EYS: variants seen among roughly 807,000 people sequenced by gnomAD.
EYS encodes the protein EGF-like photoreceptor maintenance factor.
EYS carries 250 observed loss-of-function variants against 282.1 expected under a neutral mutation model. The observed-to-expected ratio is 0.89, with a 90% CI of 0.80 to 0.98. The LOEUF (loss-of-function observed/expected upper bound fraction) is 0.98. Ranked by LOEUF, EYS falls within the 50% of genes least tolerant of loss-of-function variation. EYS has a pLI of 0.00. For missense variants in EYS, 4,016 were observed against 3,709.0 expected (o/e 1.08, Z -2.15); for synonymous variants, 1,355 against 1,282.9 (o/e 1.06, Z -1.20).
At chr6:64,728,532 T>C (rs1422595408) in intron 22 of EYS, among the ~76,000 whole-genome samples, 1 of 152,098 alleles carries the variant, frequency 6.6e-6, no homozygotes, top group Non-Finnish European at 1.5e-5. Context: ...AGGTGGGGTT[T>C]CACCGCATTA....
intron 19 of EYS, among the ~76,000 whole-genome samples, chr6:64,834,055 A>G (rs1462459807): frequency 6.6e-6 from 1 of 151,864 alleles, no homozygotes; most frequent in Non-Finnish European, 1.5e-5. Flanking sequence ...ACATTCTGAC[A>G]TAAAGACTGA....
chr6:64,746,920 A>G (rs1258638317), intron 22 of EYS, among the ~76,000 whole-genome samples: 2 of 152,326 alleles, frequency 1.3e-5, no homozygotes, highest in African/African-American at 4.8e-5. Flanking sequence ...TAATTCTGCT[A>G]TGGTCTATGG....
intron 12 of EYS, among the ~76,000 whole-genome samples, chr6:65,077,882 T>A (rs1337525001): frequency 6.6e-6 from 1 of 152,172 alleles, no homozygotes; most frequent in African/African-American, 2.4e-5. Context: ...ATAATTTTAA[T>A]GGTTTTAGAA....
At chr6:64,903,262 C>T (rs891493845) in intron 16 of EYS, among the ~76,000 whole-genome samples, 3 of 152,030 alleles carry the variant, frequency 2.0e-5, no homozygotes, top group Non-Finnish European at 4.4e-5. Flanking sequence ...ATGTAAGAAA[C>T]AAGATTTCCC....
intron 35 of EYS, among the ~76,000 whole-genome samples, chr6:63,907,291 G>A (rs2149735335): frequency 6.6e-6 from 1 of 152,214 alleles, no homozygotes; most frequent in Non-Finnish European, 1.5e-5. Context: ...TGGCTTAAGT[G>A]GGGCCCATAT....
rs774673702 is a variant in EYS, at chr6:64,448,077, C to A, written c.5645-8725G>T. On this transcript the variant is annotated intron_variant, in intron 26 of 42. Transcript: ENST00000503581. ...GCGAGGCATTACCTCATCTGGGAAG[C>A]GCAGGGGGTCAGGGAATTCCCTTTC... Among the ~76,000 whole-genome samples, 5 of 152,294 alleles carry A rather than the reference C, an allele frequency of 3.3e-5. No individual in the cohort carries two copies. The South Asian group carries it at 1.0e-3, about 32-fold the overall frequency.
At chr6:65,204,766 A>C (rs1280249478) in intron 12 of EYS, among the ~76,000 whole-genome samples, 1 of 151,306 alleles carries the variant, frequency 6.6e-6, no homozygotes, top group African/African-American at 2.4e-5. Context: ...CATGTACATA[A>C]ATAGCCTAAA....
At chr6:65,338,061 G>T (rs371464242) in intron 10 of EYS, among the ~76,000 whole-genome samples, 38 of 151,240 alleles carry the variant, frequency 2.5e-4, no homozygotes, top group African/African-American at 7.7e-4. Flanking sequence ...TTGTCTAAGG[G>T]ATGTGATATG....
chr6:63,759,385 G>A (rs1769574394), intron 41 of EYS, among the ~76,000 whole-genome samples: 1 of 152,066 alleles, frequency 6.6e-6, no homozygotes, highest in Non-Finnish European at 1.5e-5. Flanking sequence ...AGGCTTAGCT[G>A]CCACATCTAT....
chr6:64,937,504 A>C (rs1356336735), intron 15 of EYS, among the ~76,000 whole-genome samples: 2 of 151,630 alleles, frequency 1.3e-5, no homozygotes, highest in Non-Finnish European at 3.0e-5. Context: ...TCTCCCAAAA[A>C]GAGATACACG....
chr6:64,528,236 T>C (rs1307772929), intron 26 of EYS, among the ~76,000 whole-genome samples: 2 of 151,928 alleles, frequency 1.3e-5, no homozygotes, highest in East Asian at 1.9e-4. Context: ...CAGGTATTCT[T>C]GTTTTATTCC....
chr6:64,767,301 G>T (rs181453400), intron 22 of EYS, among the ~76,000 whole-genome samples: 2 of 152,068 alleles, frequency 1.3e-5, no homozygotes, highest in East Asian at 3.9e-4. Context: ...CCTCTAGCTA[G>T]TTGAAAGTAT....
At chr6:64,564,513 C>A (rs1231045105) in intron 26 of EYS, among the ~76,000 whole-genome samples, 1 of 151,746 alleles carries the variant, frequency 6.6e-6, no homozygotes, top group East Asian at 1.9e-4. Context: ...CCTCTCTTGA[C>A]CTCGTGATCC....
chr6:64,252,260 T>G (rs1174962134), intron 30 of EYS, among the ~76,000 whole-genome samples: 1 of 152,136 alleles, frequency 6.6e-6, no homozygotes, highest in Non-Finnish European at 1.5e-5. Context: ...CTTTCATTGA[T>G]GCCTTCCTAT....
intron 12 of EYS, among the ~76,000 whole-genome samples, chr6:65,268,576 G>T (rs922327231): frequency 2.6e-5 from 4 of 152,026 alleles, no homozygotes; most frequent in Non-Finnish European, 5.9e-5. Context: ...GAGAATAATA[G>T]AAATGGTTAT....
intron 22 of EYS, among the ~76,000 whole-genome samples, chr6:64,667,115 C>T (rs2149892994): frequency 6.6e-6 from 1 of 151,170 alleles, no homozygotes; most frequent in Admixed American, 6.6e-5. Flanking sequence ...TCCCTATATC[C>T]TCACTCAGGA....
intron 42 of EYS, among the ~76,000 whole-genome samples, chr6:63,723,245 T>A (rs1041773846): frequency 1.3e-5 from 2 of 152,160 alleles, no homozygotes; most frequent in Admixed American, 6.5e-5. Flanking sequence ...ATGTATAGCA[T>A]TTTTAACTAT....
At chr6:64,027,103 G>T (rs913773981) in intron 33 of EYS, among the ~76,000 whole-genome samples, 1 of 152,154 alleles carries the variant, frequency 6.6e-6, no homozygotes, top group African/African-American at 2.4e-5. Flanking sequence ...AATGACAGCC[G>T]AAGAAAGGGA....
At chr6:65,347,156 C>A (rs891222075) in intron 9 of EYS, among the ~76,000 whole-genome samples, 1 of 151,724 alleles carries the variant, frequency 6.6e-6, no homozygotes, top group African/African-American at 2.4e-5. Flanking sequence ...AATGGATAGT[C>A]ATTAAATTGT....
Sources: gnomAD v4.1 joint callset for allele counts (sites outside exome capture counted in the v4.1 genomes callset) on GRCh38, gnomAD v4.1.1 for gene constraint, MANE v1.5 for transcripts, NCBI Gene and HGNC (gene_info 2026-07-23, HGNC 2026-07-21) for gene names.